SLF1: variants seen among roughly 807,000 people sequenced by gnomAD.
SLF1 encodes the protein SMC5-SMC6 complex localization factor protein 1.
Under a neutral mutation model 123.0 loss-of-function variants are expected in SLF1, and 105 were observed. That is an observed-to-expected ratio of 0.85 (90% CI 0.73 to 1.00). The LOEUF is 1.00. Among genes scored for constraint, SLF1 ranks in the 50% least tolerant of loss-of-function variants. The probability of loss-of-function intolerance (pLI) is 0.00; values close to 1 mark genes in which losing one functional copy is unlikely to be tolerated. For synonymous variants in SLF1, 434 were observed against 406.6 expected (o/e 1.07, Z -0.81); for missense variants, 1,239 against 1,223.0 (o/e 1.01, Z -0.20).
In SLF1 at chr5:94,653,364, C is replaced by A; in HGVS notation, c.975C>A (p.Gly325=). The change falls in exon 8 of 21, where the codon GGC becomes GGA. Residue 325 remains glycine (G), a synonymous_variant. Coordinates refer to ENST00000265140, the MANE Select transcript of SLF1 (RefSeq NM_032290.4). ...GAAAAGAAAGCAATTGCAAGAAAGG[C>A]GTTGAACATGAAAAAATAAAAAGTA... The part of the protein sequence containing the change: ...KKGKESNCKK[G]VEHEKIKSTL... The A allele has an allele frequency of 6.6e-7, 1 of 1,525,834 alleles. No homozygotes were observed. Among genetic ancestry groups the A allele is most frequent in the Admixed American group, 2.3e-5 (1 of 43,172 alleles). The allele number at this position is 1,525,834 out of a possible 1,614,324, so 94.5% of individuals were successfully genotyped here. A position where few individuals can be genotyped will look rare whatever the true frequency, so the allele number is the denominator to read the frequency against.
intron 6 of SLF1, among the ~76,000 whole-genome samples, chr5:94,650,380 T>G (rs1474247225): frequency 9.0e-6 from 1 of 110,992 alleles, no homozygotes; most frequent in Non-Finnish European, 1.8e-5. Flanking sequence ...TTTTTTTTTT[T>G]GAGACAGAGT....
rs549590308 is a variant in SLF1, at chr5:94,660,211, C to T, written c.1156-2087C>T. ...GAATGGGTGGGTTGATCCCGATGTT[C>T]CTGGATGACAAGTGCAGGTGGCATT... On this transcript the variant is annotated intron_variant, in intron 9 of 20. Transcript: ENST00000265140. 4.6e-5 allele frequency among the ~76,000 whole-genome samples: 7 copies of T among 152,208 alleles called. No homozygotes were observed. In the East Asian group the frequency reaches 1.4e-3, roughly 29 times the overall value.
intron 14 of SLF1, among the ~76,000 whole-genome samples, chr5:94,675,333 C>A (rs1045247608): frequency 4.6e-5 from 7 of 152,154 alleles, no homozygotes; most frequent in African/African-American, 9.7e-5. Flanking sequence ...ATATGCAAAT[C>A]TTGTCAACCT....
chr5:94,690,932 C>G (rs201652748), intron 18 of SLF1, among the ~76,000 whole-genome samples: 4 of 144,774 alleles, frequency 2.8e-5, no homozygotes, highest in African/African-American at 7.6e-5. Flanking sequence ...GTGTGTGTGT[C>G]TGTGTGTGTG....
chr5:94,683,123 A>G (rs1053615739), intron 15 of SLF1, among the ~76,000 whole-genome samples: 1 of 152,194 alleles, frequency 6.6e-6, no homozygotes, highest in African/African-American at 2.4e-5. Flanking sequence ...TCTTTGGAGA[A>G]CTTTAATAAA....
intron 1 of SLF1, among the ~76,000 whole-genome samples, chr5:94,623,285 A>G (rs931492018): frequency 2.0e-5 from 3 of 152,150 alleles, no homozygotes; most frequent in African/African-American, 7.2e-5. Context: ...CATAAAGGCC[A>G]ACTCTGTTTA....
intron 13 of SLF1, 107 bp downstream of exon 13, chr5:94,670,386 T>G: frequency 1.0e-6 from 1 of 956,500 alleles, no homozygotes; most frequent in Non-Finnish European, 1.5e-6. Flanking sequence ...TCACCTTATT[T>G]TCTATTTTAA....
intron 15 of SLF1, among the ~76,000 whole-genome samples, chr5:94,684,542 C>CA (rs1752172921): frequency 1.3e-5 from 2 of 151,546 alleles, no homozygotes; most frequent in Non-Finnish European, 2.9e-5. Flanking sequence ...ACTAAAAATA[C>CA]AAAAAATTAG....
intron 1 of SLF1, among the ~76,000 whole-genome samples, chr5:94,625,192 C>CAAAA (rs754127514): frequency 9.8e-6 from 1 of 101,528 alleles, no homozygotes; most frequent in Non-Finnish European, 2.0e-5. Context: ...GACTCCGTCT[C>CAAAA]AAAAAAAAAA....
At chr5:94,692,383 A>C (rs1013212978) in intron 20 of SLF1, 127 bp downstream of exon 20, 369 of 949,722 alleles carry the variant, frequency 3.9e-4, no homozygotes, top group Non-Finnish European at 4.0e-4. Context: ...ATTAATGAAA[A>C]AGTAAGGATA....
At position 94,694,617 on chromosome 5, in the gene SLF1, C is replaced by T. The variant is rs147381781; in HGVS notation, c.2696-214C>T. 4.2e-3 allele frequency among the ~76,000 whole-genome samples: 630 copies of T among 151,802 alleles called. 5 individuals are homozygous for T. Among genetic ancestry groups the T allele is most frequent in the Non-Finnish European group, 6.4e-3 (434 of 67,832 alleles). ...ATTATTTATTTAACGGAGGCATGCA[C>T]GTTTGGGGAAACCTTATTAGGTAAT... is the stretch of plus-strand genomic sequence containing the variant. On this transcript the variant is annotated intron_variant, in intron 20 of 20. Coordinates refer to ENST00000265140, the MANE Select transcript of SLF1 (RefSeq NM_032290.4).
At chr5:94,648,666 G>C (rs978230271) in intron 5 of SLF1, among the ~76,000 whole-genome samples, 1 of 152,266 alleles carries the variant, frequency 6.6e-6, no homozygotes, top group Non-Finnish European at 1.5e-5. Context: ...ATTTTTAGTA[G>C]CGATGGGGTT....
rs780567604 is a variant in SLF1, at chr5:94,695,067, T to G, written c.2932T>G (p.Leu978Val). The G allele has an allele frequency of 6.6e-5, 106 of 1,612,548 alleles. No homozygotes were observed. Among genetic ancestry groups the G allele is most frequent in the Non-Finnish European group, 8.5e-5 (100 of 1,179,188 alleles). ...TTTTGATTTATCTTCAGAGTTCATT[T>G]TAGCTTCCAAAGGGTTAACTCATCT... ...SIFDLSSEFI[L>V]ASKGLTHLNE... The change falls in exon 21 of 21, where the codon TTA becomes GTA. Residue 978 changes from leucine (L) to valine (V), a missense_variant. Coordinates refer to ENST00000265140, the MANE Select transcript of SLF1 (RefSeq NM_032290.4).
intron 16 of SLF1, 114 bp from the exon 17 acceptor site, chr5:94,688,392 A>G (rs1028395915): frequency 2.9e-5 from 31 of 1,085,572 alleles, no homozygotes; most frequent in Admixed American, 2.4e-5. Flanking sequence ...AGTGGCAACC[A>G]TAGTGATGCA....
chr5:94,619,355 A>G (rs1479448238), intron 1 of SLF1, among the ~76,000 whole-genome samples: 1 of 151,942 alleles, frequency 6.6e-6, no homozygotes, highest in Non-Finnish European at 1.5e-5. Context: ...TTAAACACAA[A>G]CATACACACA....
chr5:94,652,114 TCTC>T (rs1362537082), intron 7 of SLF1, among the ~76,000 whole-genome samples: 1 of 151,976 alleles, frequency 6.6e-6, no homozygotes, highest in Non-Finnish European at 1.5e-5. Context: ...TTCAAGCAAT[TCTC>T]CTGCCTCAGC....
chr5:94,628,751 G>T, intron 1 of SLF1, 60 bp from the exon 2 acceptor site: 2 of 1,135,516 alleles, frequency 1.8e-6, no homozygotes, highest in Non-Finnish European at 2.4e-6. Flanking sequence ...AAAAAATAAT[G>T]TCAACCCTGT....
intron 3 of SLF1, chr5:94,629,659 T>C (rs1744990108): frequency 6.6e-6 from 1 of 152,348 alleles, no homozygotes; most frequent in African/African-American, 2.4e-5. Flanking sequence ...TTTTGTATTT[T>C]ATAGCTTTCT....
At chr5:94,677,325 G>A (rs1016657641) in intron 14 of SLF1, among the ~76,000 whole-genome samples, 1 of 152,048 alleles carries the variant, frequency 6.6e-6, no homozygotes, top group African/African-American at 2.4e-5. Context: ...AGGCTTGTTG[G>A]ATATGTGAAA....
Sources: allele counts gnomAD v4.1 joint callset (sites outside exome capture counted in the v4.1 genomes callset), GRCh38; gene constraint gnomAD v4.1.1; transcripts MANE v1.5; gene names NCBI Gene and HGNC (gene_info 2026-07-23, HGNC 2026-07-21).